Variants in DMXL1 observed in about 807,000 individuals in gnomAD.
DMXL1 encodes dmX-like protein 1.
Under a neutral mutation model 319.2 loss-of-function variants are expected in DMXL1, and 99 were observed. That is an observed-to-expected ratio of 0.31 (90% CI 0.26 to 0.37). DMXL1 has a LOEUF of 0.37. DMXL1 is among the 10% of genes least tolerant of loss of function. The pLI, the probability that DMXL1 is intolerant of heterozygous loss-of-function variation, is 1.00. For missense variants in DMXL1, 3,745 were observed against 3,595.6 expected (o/e 1.04, Z -1.06); for synonymous variants, 1,385 against 1,235.2 (o/e 1.12, Z -2.54).
intron 18 of DMXL1, 54 bp downstream of exon 18, chr5:119,150,475 T>C: frequency 1.3e-6 from 2 of 1,502,372 alleles, no homozygotes; most frequent in Non-Finnish European, 1.8e-6. Flanking sequence ...CAGAAAATAA[T>C]TTTAAATAAT....
intron 34 of DMXL1, among the ~76,000 whole-genome samples, chr5:119,214,325 A>G (rs1783305408): frequency 1.3e-5 from 2 of 152,138 alleles, no homozygotes; most frequent in Non-Finnish European, 2.9e-5. Flanking sequence ...CACTATCACC[A>G]TTCCTACTGC....
intron 30 of DMXL1, 107 bp downstream of exon 30, chr5:119,194,077 C>A: frequency 1.4e-6 from 1 of 705,418 alleles, no homozygotes; most frequent in Non-Finnish European, 2.1e-6. Context: ...CTTTATAACA[C>A]ATTATAACCC....
rs1790085957 is a variant in DMXL1 at position 119,248,188 on chromosome 5, C to G, written c.*969C>G. On this transcript the variant is annotated 3_prime_UTR_variant, in exon 44 of 44. Transcript: ENST00000539542. Reference sequence around the variant, plus strand: ...TATCTTATTTTTAGGTGCTTTTAATCTCAAAATTCTGAAAAGCGAATAGCA... The same window carrying G: ...TATCTTATTTTTAGGTGCTTTTAATGTCAAAATTCTGAAAAGCGAATAGCA... 1 of 152,306 alleles carries G rather than the reference C, an allele frequency of 6.6e-6. No homozygotes were observed. The highest frequency in any genetic ancestry group is 1.5e-5 in the Non-Finnish European group (1 of 67,916). 9.4% of individuals were successfully genotyped at this position (152,306 alleles called of 1,614,324 possible). A position where few individuals can be genotyped will look rare whatever the true frequency, so the allele number is the denominator to read the frequency against.
At chr5:119,165,110 G>A in intron 20 of DMXL1, 73 bp from the exon 21 acceptor site, 2 of 865,690 alleles carry the variant, frequency 2.3e-6, no homozygotes, top group East Asian at 2.5e-5. Context: ...ATATGTGCCA[G>A]CCTTTCATAT....
At chr5:119,101,237 T>C (rs1426971220) in intron 2 of DMXL1, among the ~76,000 whole-genome samples, 3 of 152,214 alleles carry the variant, frequency 2.0e-5, no homozygotes, top group Non-Finnish European at 4.4e-5. Context: ...CCTTAAAATA[T>C]CCATTCACAG....
intron 38 of DMXL1, among the ~76,000 whole-genome samples, chr5:119,231,114 C>T (rs1786634145): frequency 6.6e-6 from 1 of 152,138 alleles, no homozygotes; most frequent in South Asian, 2.1e-4. Context: ...GTTTGTGAAG[C>T]ATTAGAGATT....
chr5:119,167,431 T>G (rs1773658396), intron 22 of DMXL1, among the ~76,000 whole-genome samples, 172 bp from the exon 23 acceptor site: 1 of 152,146 alleles, frequency 6.6e-6, no homozygotes, highest in South Asian at 2.1e-4. Context: ...TGTTGTCAAG[T>G]AGATTTGCTA....
intron 1 of DMXL1, among the ~76,000 whole-genome samples, chr5:119,093,683 G>A (rs371787325): frequency 4.6e-5 from 7 of 152,154 alleles, no homozygotes; most frequent in African/African-American, 1.7e-4. Flanking sequence ...GTCAAGATGG[G>A]CCAAAACCTA....
intron 5 of DMXL1, among the ~76,000 whole-genome samples, chr5:119,114,226 G>A (rs1161385886): frequency 1.3e-5 from 2 of 152,160 alleles, no homozygotes; most frequent in Admixed American, 6.5e-5. Flanking sequence ...GGGAATGAAA[G>A]TTACAACTTT....
intron 13 of DMXL1, among the ~76,000 whole-genome samples, chr5:119,142,517 TAAAA>T (rs148846123): frequency 0.02 from 1,247 of 62,274 alleles, 20 homozygotes; most frequent in African/African-American, 0.064. Context: ...TATTAAAAAG[TAAAA>T]AAAAAAAAAA....
In DMXL1 at chr5:119,189,718, A is replaced by G. The variant is rs762398610; in HGVS notation, c.7146A>G (p.Leu2382=). ...THSKTLPVSS[L]VEEGEKQNKR... is the part of the protein sequence containing the mutation. Reference sequence around the variant, plus strand: ...TTTTCTTTTTGTTAGTTTCTTCACTAGTTGAAGAAGGAGAAAAACAGAACA... The same window carrying G: ...TTTTCTTTTTGTTAGTTTCTTCACTGGTTGAAGAAGGAGAAAAACAGAACA... The change falls in exon 29 of 44, where the codon CTA becomes CTG. Residue 2382 remains leucine, a synonymous_variant. Transcript: ENST00000539542. 2.5e-6 allele frequency: 4 copies of G among 1,613,414 alleles called. No homozygotes were observed. Among genetic ancestry groups the G allele is most frequent in the South Asian group, 1.1e-5 (1 of 91,064 alleles).
intron 34 of DMXL1, among the ~76,000 whole-genome samples, chr5:119,209,531 A>G (rs988532710): frequency 6.6e-6 from 1 of 151,604 alleles, no homozygotes; most frequent in South Asian, 2.1e-4. Context: ...TATTTTTTGT[A>G]GAGATGGGGT....
intron 19 of DMXL1, among the ~76,000 whole-genome samples, chr5:119,155,920 C>G (rs1199711548): frequency 6.6e-6 from 1 of 151,710 alleles, no homozygotes; most frequent in Non-Finnish European, 1.5e-5. Flanking sequence ...GAATCTATTC[C>G]TGGTGAAGAT....
At chr5:119,198,750 A>G (rs573181362) in intron 32 of DMXL1, among the ~76,000 whole-genome samples, 1 of 152,344 alleles carries the variant, frequency 6.6e-6, no homozygotes, top group African/African-American at 2.4e-5. Flanking sequence ...AGTAACCAAA[A>G]CAGCATGGTA....
intron 1 of DMXL1, among the ~76,000 whole-genome samples, chr5:119,079,641 C>T (rs970744028): frequency 1.3e-5 from 2 of 152,188 alleles, no homozygotes; most frequent in Non-Finnish European, 2.9e-5. Flanking sequence ...TAATTTGAAT[C>T]AACAGATCTC....
At chr5:119,107,812 A>G (rs1758688243) in intron 4 of DMXL1, among the ~76,000 whole-genome samples, 2 of 152,072 alleles carry the variant, frequency 1.3e-5, no homozygotes, top group South Asian at 4.2e-4. Context: ...TGTCTATGAA[A>G]CCTTCTGTCT....
intron 4 of DMXL1, 36 bp from the exon 5 acceptor site, chr5:119,110,107 TATTAAATA>T: frequency 6.6e-7 from 1 of 1,514,426 alleles, no homozygotes; most frequent in Admixed American, 2.2e-5. Context: ...ATTAAGTCAC[TATTAAATA>T]CCTAAATAAT....
intron 25 of DMXL1, among the ~76,000 whole-genome samples, chr5:119,173,104 C>A (rs925669867): frequency 6.6e-6 from 1 of 152,020 alleles, no homozygotes; most frequent in African/African-American, 2.4e-5. Context: ...TTTGGGAGGT[C>A]GAGGCAGGCA....
intron 35 of DMXL1, among the ~76,000 whole-genome samples, chr5:119,217,351 T>G (rs1486506320): frequency 6.6e-6 from 1 of 152,168 alleles, no homozygotes; most frequent in African/African-American, 2.4e-5. Flanking sequence ...GATTTAAGCT[T>G]ATATGTGACT....
Sources: allele counts gnomAD v4.1 joint callset (sites outside exome capture counted in the v4.1 genomes callset), GRCh38; gene constraint gnomAD v4.1.1; transcripts MANE v1.5; gene names NCBI Gene and HGNC (gene_info 2026-07-23, HGNC 2026-07-21).